ADCY2: variants seen among roughly 807,000 people sequenced by gnomAD.
ADCY2 encodes the protein adenylate cyclase type 2.
ADCY2 carries 31 observed loss-of-function variants against 125.2 expected under a neutral mutation model. The ratio of observed to expected loss-of-function variants is 0.25; its 90% confidence interval spans 0.19 to 0.33. The LOEUF is 0.33. Among genes scored for constraint, ADCY2 ranks in the 10% least tolerant of loss-of-function variants. The pLI is 1.00. For missense variants in ADCY2, 904 were observed against 1,418.2 expected, an observed-to-expected ratio of 0.64 and a Z score of 5.82; for synonymous variants, 512 against 548.4, an observed-to-expected ratio of 0.93 and a Z score of 0.93.
chr5:7,479,175 C>T (rs1408073435), intron 2 of ADCY2, among the ~76,000 whole-genome samples: 1 of 151,902 alleles, frequency 6.6e-6, no homozygotes, highest in African/African-American at 2.4e-5. Flanking sequence ...TAAAATCCAG[C>T]ATGAGGAGGT....
rs569378646 is a variant in ADCY2 at position 7,602,585 on chromosome 5, A to G, written c.571-23582A>G. Among the ~76,000 whole-genome samples, 6 of 152,294 alleles carry G rather than the reference A, an allele frequency of 3.9e-5. No homozygotes were observed. The East Asian group carries it at 9.7e-4, about 25-fold the overall frequency. ...CACCCTTAAATTCTCTTGCCAAGAG[A>G]AATTCCCTCTTAAATTTCTCTTGGC... On this transcript the variant is annotated intron_variant, in intron 3 of 24. Transcript: ENST00000338316.
intron 3 of ADCY2, among the ~76,000 whole-genome samples, chr5:7,539,362 A>T (rs1561082021): frequency 1.3e-5 from 2 of 152,036 alleles, no homozygotes; most frequent in Non-Finnish European, 1.5e-5. Context: ...GATTAAAAAA[A>T]AAAAAATAAA....
intron 2 of ADCY2, among the ~76,000 whole-genome samples, chr5:7,460,750 T>C (rs1741888364): frequency 6.6e-6 from 1 of 152,290 alleles, no homozygotes; most frequent in South Asian, 2.1e-4. Flanking sequence ...TATGGGATTA[T>C]GTAGAAACTA....
rs1561112760 is a variant in ADCY2 at position 7,589,539 on chromosome 5, G to GAAAGAA, written c.571-36627_571-36626insAAGAAA. On this transcript the variant is annotated intron_variant, in intron 3 of 24. Coordinates refer to ENST00000338316, the MANE Select transcript of ADCY2 (RefSeq NM_020546.3). ...AGAAAAGAAAGAGAAAGAAAGAAAG[G>GAAAGAA]AGGGAGGGAAGGAGGAAGGAAGGAA... 3.0e-5 allele frequency among the ~76,000 whole-genome samples: 4 copies of GAAAGAA among 131,580 alleles called. No individual in the cohort carries two copies. In the East Asian group the frequency reaches 8.8e-4, roughly 29 times the overall value. 86.3% of individuals were successfully genotyped at this position (131,580 alleles called of 152,430 possible). A position where few individuals can be genotyped will look rare whatever the true frequency, so the allele number is the denominator to read the frequency against.
chr5:7,446,924 T>G (rs930149424), intron 2 of ADCY2, among the ~76,000 whole-genome samples: 1 of 152,238 alleles, frequency 6.6e-6, no homozygotes, highest in African/African-American at 2.4e-5. Flanking sequence ...GACTATTGGC[T>G]TCCTGCTCTT....
intron 2 of ADCY2, among the ~76,000 whole-genome samples, chr5:7,474,677 G>A (rs978186242): frequency 3.9e-5 from 6 of 152,196 alleles, no homozygotes; most frequent in East Asian, 1.9e-4. Context: ...AGACAGGGGC[G>A]GCAGAGCCAG....
chr5:7,706,977 G>A (rs1741285879), intron 8 of ADCY2, 75 bp downstream of exon 8: 11 of 1,560,296 alleles, frequency 7.0e-6, no homozygotes, highest in East Asian at 4.5e-5. Context: ...GCCTAATGAC[G>A]GAGTGCTCAG....
chr5:7,521,145 A>G (rs896758921), intron 3 of ADCY2, among the ~76,000 whole-genome samples: 1 of 152,220 alleles, frequency 6.6e-6, no homozygotes, highest in Non-Finnish European at 1.5e-5. Context: ...GGATGTGACA[A>G]TTCTATTTTG....
chr5:7,695,528 T>TC (rs1740861629), intron 5 of ADCY2, among the ~76,000 whole-genome samples: 1 of 152,218 alleles, frequency 6.6e-6, no homozygotes, highest in East Asian at 1.9e-4. Context: ...TAAATTATTT[T>TC]GCTGCTTCAC....
chr5:7,774,206 A>G (rs987342894), intron 18 of ADCY2, among the ~76,000 whole-genome samples: 26 of 152,332 alleles, frequency 1.7e-4, no homozygotes, highest in African/African-American at 6.0e-4. Context: ...GGTGCAACCC[A>G]TTCTTTTCAC....
At chr5:7,748,855 T>C (rs1742716360) in intron 15 of ADCY2, among the ~76,000 whole-genome samples, 1 of 152,138 alleles carries the variant, frequency 6.6e-6, no homozygotes, top group Non-Finnish European at 1.5e-5. Flanking sequence ...GGAGGTAATA[T>C]CCATTTGACA....
chr5:7,695,887 T>C (rs764774720), intron 6 of ADCY2, 24 bp downstream of exon 6: 22 of 1,516,284 alleles, frequency 1.5e-5, no homozygotes, highest in Admixed American at 1.4e-4. Flanking sequence ...ATTCTTTTCT[T>C]CTCTGAAGAT....
intron 23 of ADCY2, among the ~76,000 whole-genome samples, chr5:7,818,808 A>C (rs902865352): frequency 3.3e-5 from 5 of 152,190 alleles, no homozygotes; most frequent in African/African-American, 1.2e-4. Flanking sequence ...CAGCTTGGAA[A>C]ATGGGCTCCT....
intron 5 of ADCY2, among the ~76,000 whole-genome samples, chr5:7,693,935 A>C (rs960603119): frequency 2.0e-5 from 3 of 152,158 alleles, no homozygotes; most frequent in African/African-American, 7.2e-5. Flanking sequence ...TCTTTCTCTG[A>C]GCGAGCATCG....
chr5:7,745,009 C>T (rs1451037223), intron 15 of ADCY2, among the ~76,000 whole-genome samples: 1 of 152,172 alleles, frequency 6.6e-6, no homozygotes, highest in East Asian at 1.9e-4. Flanking sequence ...AGTATTGTGG[C>T]TTCTATGAAA....
intron 2 of ADCY2, among the ~76,000 whole-genome samples, chr5:7,503,231 C>T (rs931146805): frequency 6.6e-6 from 1 of 152,168 alleles, no homozygotes; most frequent in Non-Finnish European, 1.5e-5. Flanking sequence ...TCATGTCAGT[C>T]TCATATAAGT....
chr5:7,586,683 C>G (rs1335106376), intron 3 of ADCY2, among the ~76,000 whole-genome samples: 1 of 152,054 alleles, frequency 6.6e-6, no homozygotes, highest in Non-Finnish European at 1.5e-5. Flanking sequence ...CAGACAGGCC[C>G]ATGATAAACT....
chr5:7,825,700 A>C (rs982680544), intron 24 of ADCY2, among the ~76,000 whole-genome samples: 3 of 152,210 alleles, frequency 2.0e-5, no homozygotes, highest in Non-Finnish European at 2.9e-5. Context: ...TCAGAAGCTG[A>C]GGCCTCACCC....
intron 2 of ADCY2, among the ~76,000 whole-genome samples, chr5:7,471,468 C>G (rs548908027): frequency 2.0e-5 from 3 of 152,044 alleles, no homozygotes; most frequent in South Asian, 4.2e-4. Flanking sequence ...TATGTCCCTT[C>G]ATATGCATTT....
Sources: gnomAD v4.1 joint callset for allele counts (sites outside exome capture counted in the v4.1 genomes callset) on GRCh38, gnomAD v4.1.1 for gene constraint, MANE v1.5 for transcripts, NCBI Gene and HGNC (gene_info 2026-07-23, HGNC 2026-07-21) for gene names.